ANO3: variants seen among roughly 807,000 people sequenced by gnomAD.
The protein encoded by ANO3 is anoctamin 3.
In ANO3, 99 loss-of-function variants were observed where a neutral mutation model predicts 144.8. The ratio of observed to expected loss-of-function variants is 0.68; its 90% CI spans 0.58 to 0.81. The LOEUF is 0.81. ANO3 is among the 30% of genes least tolerant of loss of function. The pLI is 0.00. For missense variants in ANO3, 905 were observed against 1,202.2 expected (o/e 0.75, Z 3.66); for synonymous variants, 414 against 392.6 (o/e 1.05, Z -0.64).
intron 10 of ANO3, among the ~76,000 whole-genome samples, chr11:26,539,956 T>C (rs964654321): frequency 1.3e-5 from 2 of 152,074 alleles, no homozygotes; most frequent in African/African-American, 2.4e-5. Flanking sequence ...TACATTGGAG[T>C]GAGGAGAAAG....
intron 3 of ANO3, among the ~76,000 whole-genome samples, chr11:26,444,498 T>C (rs779400703): frequency 6.6e-6 from 1 of 152,206 alleles, no homozygotes; most frequent in Non-Finnish European, 1.5e-5. Flanking sequence ...CAGTAGTAGA[T>C]ACATCGGTGG....
chr11:26,398,119 T>A (rs1857063335), intron 1 of ANO3, among the ~76,000 whole-genome samples: 1 of 152,056 alleles, frequency 6.6e-6, no homozygotes, highest in Non-Finnish European at 1.5e-5. Flanking sequence ...GAGAAAACAC[T>A]CTAAAAATAT....
At chr11:26,364,397 C>T (rs1186995231) in intron 1 of ANO3, among the ~76,000 whole-genome samples, 2 of 152,140 alleles carry the variant, frequency 1.3e-5, no homozygotes, top group African/African-American at 2.4e-5. Context: ...CCAGCAAGGC[C>T]CATCCCTCTA....
At chr11:26,440,915 A>T (rs1858485861) in intron 1 of ANO3, among the ~76,000 whole-genome samples, 1 of 151,900 alleles carries the variant, frequency 6.6e-6, no homozygotes, top group South Asian at 2.1e-4. Flanking sequence ...ACATTATGGG[A>T]TGAAGAGGAA....
intron 1 of ANO3, among the ~76,000 whole-genome samples, chr11:26,430,175 C>T (rs1262785716): frequency 1.3e-5 from 2 of 151,152 alleles, no homozygotes; most frequent in African/African-American, 2.4e-5. Flanking sequence ...GTAGGAAGAT[C>T]ACCTGAACCC....
At chr11:26,531,367 C>CAAAG in intron 8 of ANO3, 31 bp downstream of exon 8, 1 of 1,580,212 alleles carries the variant, frequency 6.3e-7, no homozygotes, top group Non-Finnish European at 8.6e-7. Context: ...ATACTGCCTA[C>CAAAG]CTTTATATCT....
At chr11:26,534,420 G>C in intron 8 of ANO3, 36 bp from the exon 9 acceptor site, 1 of 1,388,962 alleles carries the variant, frequency 7.2e-7, no homozygotes, top group Admixed American at 1.7e-5. Context: ...TCTGTGTTCT[G>C]CTTTGAATAT....
chr11:26,383,490 A>G (rs12804855), intron 1 of ANO3, among the ~76,000 whole-genome samples: 17,352 of 151,952 alleles, frequency 0.11, 1,202 homozygotes, highest in Admixed American at 0.19. Flanking sequence ...AATTAAACTC[A>G]CAGTAGTAGA....
chr11:26,227,227 G>T (rs1457251378), intron 1 of ANO3, among the ~76,000 whole-genome samples: 1 of 151,992 alleles, frequency 6.6e-6, no homozygotes, highest in African/African-American at 2.4e-5. Context: ...TCTACTTTGG[G>T]CTATTGTGAA....
chr11:26,447,231 T>TG (rs5790579), intron 3 of ANO3, among the ~76,000 whole-genome samples: 47 of 112,880 alleles, frequency 4.2e-4, no homozygotes, highest in African/African-American at 1.1e-3. Flanking sequence ...AAAAAAAAGG[T>TG]GGGGGGGGGT....
chr11:26,226,612 G>C (rs1391325957), intron 1 of ANO3, among the ~76,000 whole-genome samples: 1 of 151,916 alleles, frequency 6.6e-6, no homozygotes, highest in African/African-American at 2.4e-5. Context: ...TGCATCATGG[G>C]CATTTTCCTT....
At chr11:26,273,749 G>A (rs1294592978) in intron 1 of ANO3, among the ~76,000 whole-genome samples, 2 of 151,846 alleles carry the variant, frequency 1.3e-5, no homozygotes, top group Admixed American at 6.6e-5. Flanking sequence ...GACATCACAC[G>A]AGAGGAGTTA....
At chr11:26,368,807 ATGTTTTT>A (rs1316159444) in intron 1 of ANO3, among the ~76,000 whole-genome samples, 1 of 152,066 alleles carries the variant, frequency 6.6e-6, no homozygotes, top group Non-Finnish European at 1.5e-5. Context: ...ATTATCCTTT[ATGTTTTT>A]TGTTTTTTTC....
At chr11:26,189,102 T>A (rs1377092100) in exon 1 of ANO3, 1 of 660,872 alleles carries the variant, frequency 1.5e-6, no homozygotes, top group East Asian at 1.4e-4. Context: ...TACTGTGATT[T>A]TTTTTCCTAT....
chr11:26,247,368 T>C (rs950168357), intron 1 of ANO3, among the ~76,000 whole-genome samples: 2 of 152,240 alleles, frequency 1.3e-5, no homozygotes, highest in African/African-American at 4.8e-5. Flanking sequence ...ATGCCACTTT[T>C]ATCAGATGCT....
At chr11:26,234,590 AGT>A (rs1245485603) in intron 1 of ANO3, among the ~76,000 whole-genome samples, 1 of 152,220 alleles carries the variant, frequency 6.6e-6, no homozygotes, top group Non-Finnish European at 1.5e-5. Flanking sequence ...TAAAATAGTG[AGT>A]ATACATGTAT....
chr11:26,391,890 A>G (rs1018754764), intron 1 of ANO3, among the ~76,000 whole-genome samples: 1 of 152,106 alleles, frequency 6.6e-6, no homozygotes, highest in Admixed American at 6.6e-5. Context: ...TTTCCATTTT[A>G]TTCCATCGTT....
intron 4 of ANO3, among the ~76,000 whole-genome samples, chr11:26,484,180 T>G (rs1347061890): frequency 6.6e-6 from 1 of 152,072 alleles, no homozygotes; most frequent in African/African-American, 2.4e-5. Context: ...AAACAGAGCA[T>G]AAAAGTTTGG....
chr11:26,605,022 G>C (rs1206563507), intron 17 of ANO3, among the ~76,000 whole-genome samples: 4 of 152,154 alleles, frequency 2.6e-5, no homozygotes, highest in South Asian at 2.1e-4. Context: ...TCCAGCTTTT[G>C]CTCATTCAAT....
Sources: gnomAD v4.1 joint callset for allele counts (sites outside exome capture counted in the v4.1 genomes callset) on GRCh38, gnomAD v4.1.1 for gene constraint, MANE v1.5 for transcripts, NCBI Gene and HGNC (gene_info 2026-07-23, HGNC 2026-07-21) for gene names.